SH3RF2: variants seen among roughly 807,000 people sequenced by gnomAD.
SH3RF2 encodes E3 ubiquitin-protein ligase SH3RF2.
SH3RF2 carries 43 observed loss-of-function variants against 59.0 expected under a neutral mutation model. The observed-to-expected ratio is 0.73, with a 90% CI of 0.57 to 0.94. The LOEUF (loss-of-function observed/expected upper bound fraction) is 0.94. Among genes scored for constraint, SH3RF2 ranks in the 40% least tolerant of loss-of-function variants. SH3RF2 has a pLI of 0.00. For missense variants in SH3RF2, 930 were observed against 940.1 expected (o/e 0.99, Z 0.14); for synonymous variants, 391 against 391.5 (o/e 1.00, Z 0.01).
intron 2 of SH3RF2, among the ~76,000 whole-genome samples, chr5:145,979,905 G>A (rs1354195223): frequency 6.6e-6 from 1 of 152,204 alleles, no homozygotes; most frequent in African/African-American, 2.4e-5. Context: ...ACATGAGGAA[G>A]TTGAGCTGAA....
intron 5 of SH3RF2, among the ~76,000 whole-genome samples, chr5:146,043,360 G>A (rs150430827): frequency 5.8e-4 from 88 of 152,270 alleles, no homozygotes; most frequent in African/African-American, 2.1e-3. Context: ...CTATGAAGCT[G>A]AGCGATTCTC....
At chr5:146,016,398 G>A (rs77326988) in intron 5 of SH3RF2, among the ~76,000 whole-genome samples, 4,051 of 148,052 alleles carry the variant, frequency 0.027, 63 homozygotes, top group Middle Eastern at 0.062. Context: ...ATGGATGGAT[G>A]GATGGATAGA....
intron 5 of SH3RF2, among the ~76,000 whole-genome samples, chr5:146,039,481 ATATT>A (rs1312681519): frequency 6.6e-6 from 1 of 151,814 alleles, no homozygotes; most frequent in East Asian, 1.9e-4. Context: ...TGGCCCATAA[ATATT>A]TGAAAAAAAA....
At chr5:146,074,036 C>CT (rs70998053) in intron 9 of SH3RF2, among the ~76,000 whole-genome samples, 3,164 of 117,186 alleles carry the variant, frequency 0.027, 89 homozygotes, top group East Asian at 0.046. Flanking sequence ...CATTAACACT[C>CT]TTTTTTTTTT....
At chr5:145,969,463 T>G (rs73312140) in intron 2 of SH3RF2, among the ~76,000 whole-genome samples, 1 of 152,170 alleles carries the variant, frequency 6.6e-6, no homozygotes, top group African/African-American at 2.4e-5. Flanking sequence ...CAGATACCCC[T>G]GCATCACTGA....
chr5:145,980,627 T>C (rs565317506), intron 2 of SH3RF2, among the ~76,000 whole-genome samples: 2 of 152,324 alleles, frequency 1.3e-5, no homozygotes, highest in East Asian at 1.9e-4. Context: ...TTAGGATTTG[T>C]AAGGCAAAGA....
At chr5:146,071,242 C>A (rs889652084) in intron 9 of SH3RF2, among the ~76,000 whole-genome samples, 1 of 152,170 alleles carries the variant, frequency 6.6e-6, no homozygotes, top group Non-Finnish European at 1.5e-5. Flanking sequence ...AGGTTGTACC[C>A]AGATTCCTGC....
At chr5:146,068,944 A>G (rs2150027580) in intron 9 of SH3RF2, among the ~76,000 whole-genome samples, 1 of 152,268 alleles carries the variant, frequency 6.6e-6, no homozygotes, top group South Asian at 2.1e-4. Context: ...TGTCAATACC[A>G]CTGAAGTCCA....
At chr5:146,006,902 T>C (rs531380819) in intron 4 of SH3RF2, among the ~76,000 whole-genome samples, 9 of 152,240 alleles carry the variant, frequency 5.9e-5, no homozygotes, top group African/African-American at 2.2e-4. Flanking sequence ...ATCTGGAACA[T>C]GTGGGCTTCC....
intron 2 of SH3RF2, among the ~76,000 whole-genome samples, chr5:145,977,257 C>G (rs1312945311): frequency 6.6e-6 from 1 of 152,254 alleles, no homozygotes; most frequent in Admixed American, 6.5e-5. Context: ...ATCATCTACA[C>G]TTTGTTCTGA....
At chr5:145,944,337 C>CTTT (rs59087828) in intron 2 of SH3RF2, among the ~76,000 whole-genome samples, 2 of 141,086 alleles carry the variant, frequency 1.4e-5, no homozygotes, top group African/African-American at 5.2e-5. Flanking sequence ...TTTCTTTTCC[C>CTTT]TTTTTTTTTT....
chr5:146,002,599 C>G (rs981664773), intron 3 of SH3RF2, among the ~76,000 whole-genome samples: 2 of 152,096 alleles, frequency 1.3e-5, no homozygotes, highest in African/African-American at 4.8e-5. Context: ...CCAGGACCAC[C>G]GACCAGTACC....
chr5:146,064,786 AGGAAGG>A (rs1763043919), downstream of SH3RF2, among the ~76,000 whole-genome samples: 6 of 21,368 alleles, frequency 2.8e-4, 1 homozygote, highest in Admixed American at 9.5e-4. Context: ...AAAGGAAGGA[AGGAAGG>A]AAGGAAGGAA....
intron 5 of SH3RF2, among the ~76,000 whole-genome samples, chr5:146,045,280 C>T (rs1317397027): frequency 6.6e-6 from 1 of 152,208 alleles, no homozygotes. Flanking sequence ...AAGAGTTCCT[C>T]AGGAGGGTGA....
exon 10 of SH3RF2, chr5:146,079,443 A>T (rs1202271569): frequency 6.6e-6 from 1 of 152,204 alleles, no homozygotes; most frequent in East Asian, 1.9e-4. Context: ...ATCAATAAGA[A>T]TTTGATTTTT....
chr5:145,988,851 C>T (rs1000175366), intron 2 of SH3RF2, among the ~76,000 whole-genome samples: 1 of 152,156 alleles, frequency 6.6e-6, no homozygotes, highest in Non-Finnish European at 1.5e-5. Flanking sequence ...GTGTCTCCCT[C>T]CTTATCAGAG....
At chr5:145,955,336 A>C (rs990634315) in intron 2 of SH3RF2, among the ~76,000 whole-genome samples, 2 of 152,196 alleles carry the variant, frequency 1.3e-5, no homozygotes, top group African/African-American at 4.8e-5. Context: ...TCTCACCTGT[A>C]AGTGGGAGCT....
intron 8 of SH3RF2, among the ~76,000 whole-genome samples, chr5:146,056,529 G>C (rs1322705375): frequency 6.6e-6 from 1 of 152,188 alleles, no homozygotes; most frequent in Non-Finnish European, 1.5e-5. Context: ...CATTTGCTGG[G>C]TCAGTGCTTC....
At chr5:146,069,790 T>G (rs1440396533) in intron 9 of SH3RF2, among the ~76,000 whole-genome samples, 1 of 152,008 alleles carries the variant, frequency 6.6e-6, no homozygotes. Context: ...CCCAGACTGG[T>G]CTCGAACTCC....
Sources: allele counts gnomAD v4.1 joint callset (sites outside exome capture counted in the v4.1 genomes callset), GRCh38; gene constraint gnomAD v4.1.1; transcripts MANE v1.5; gene names NCBI Gene and HGNC (gene_info 2026-07-23, HGNC 2026-07-21).